TNRC6A: variants seen among roughly 807,000 people sequenced by gnomAD.
The protein encoded by TNRC6A is trinucleotide repeat-containing gene 6A protein.
In TNRC6A, 44 loss-of-function variants were observed where a neutral mutation model predicts 221.2. That is an observed-to-expected ratio of 0.20 (90% CI 0.16 to 0.26). The LOEUF is 0.26. Ranked by LOEUF, TNRC6A falls within the 10% of genes least tolerant of loss-of-function variation. The probability of loss-of-function intolerance (pLI) is 1.00; values close to 1 mark genes in which losing one functional copy is unlikely to be tolerated. For missense variants in TNRC6A, 2,199 were observed against 2,404.4 expected (o/e 0.91, Z 1.79); for synonymous variants, 847 against 838.5 (o/e 1.01, Z -0.18).
At chr16:24,808,938 A>AG (rs1418966463) in intron 17 of TNRC6A, among the ~76,000 whole-genome samples, 2 of 152,174 alleles carry the variant, frequency 1.3e-5, no homozygotes, top group African/African-American at 2.4e-5. Context: ...TCATCAGCAA[A>AG]GGTCAAGTAA....
intron 4 of TNRC6A, among the ~76,000 whole-genome samples, chr16:24,764,145 CTGTTT>C (rs2057421402): frequency 7.0e-6 from 1 of 142,522 alleles, no homozygotes; most frequent in African/African-American, 2.4e-5. Flanking sequence ...ATGTATTTGA[CTGTTT>C]TTTTTTTTTA....
At chr16:24,699,902 C>T (rs895549136) in intron 2 of TNRC6A, among the ~76,000 whole-genome samples, 1 of 152,082 alleles carries the variant, frequency 6.6e-6, no homozygotes, top group African/African-American at 2.4e-5. Flanking sequence ...CTAAGAAGCT[C>T]AGCAATGTGC....
intron 3 of TNRC6A, among the ~76,000 whole-genome samples, chr16:24,751,304 A>G (rs1228448590): frequency 6.8e-6 from 1 of 146,870 alleles, no homozygotes; most frequent in Non-Finnish European, 1.6e-5. Context: ...TGTAATAGAC[A>G]TAATAGGAAG....
At chr16:24,815,088 A>G (rs776412161) in intron 18 of TNRC6A, 59 bp from the exon 19 acceptor site, 25 of 1,575,280 alleles carry the variant, frequency 1.6e-5, no homozygotes, top group Admixed American at 3.5e-5. Flanking sequence ...TTGAAAAGCT[A>G]TAAGAAATAA....
At position 24,705,247 on chromosome 16, in the gene TNRC6A, C is replaced by A. The variant is rs532049093; in HGVS notation, n.403-45479C>A. ...CCCAGATCACACAGTTAATGCATGG[C>A]ACATCTAGAATTTCTAGAGTCTAGA... is the stretch of plus-strand genomic sequence containing the variant. On this transcript the variant is annotated intron_variant and non_coding_transcript_variant, in intron 2 of 2. Coordinates refer to the TNRC6A transcript ENST00000566108. 2.6e-5 allele frequency among the ~76,000 whole-genome samples: 4 copies of A among 152,216 alleles called. No individual in the cohort carries two copies. In the South Asian group the frequency reaches 8.3e-4, roughly 32 times the overall value.
intron 2 of TNRC6A, among the ~76,000 whole-genome samples, chr16:24,699,046 G>C (rs1043850019): frequency 1.3e-5 from 2 of 152,130 alleles, no homozygotes; most frequent in African/African-American, 4.8e-5. Context: ...AGAACCTACA[G>C]AGCGGGTATT....
intron 1 of TNRC6A, among the ~76,000 whole-genome samples, chr16:24,621,646 C>A (rs1900682043): frequency 6.6e-6 from 1 of 152,088 alleles, no homozygotes; most frequent in South Asian, 2.1e-4. Context: ...ATGTGAGCCA[C>A]CGTGCCTGGC....
intron 2 of TNRC6A, among the ~76,000 whole-genome samples, chr16:24,696,407 G>T (rs1451824762): frequency 4.0e-5 from 6 of 151,046 alleles, no homozygotes; most frequent in East Asian, 1.9e-4. Context: ...CATGCTAAAG[G>T]TGCTTGTTCA....
chr16:24,625,042 C>T (rs80263423), intron 1 of TNRC6A, among the ~76,000 whole-genome samples: 9,213 of 152,290 alleles, frequency 0.06, 333 homozygotes, highest in Non-Finnish European at 0.079. Context: ...GACCAGAAAT[C>T]ATAGACCTGC....
chr16:24,678,109 A>G (rs904501104), intron 2 of TNRC6A, among the ~76,000 whole-genome samples: 1 of 152,084 alleles, frequency 6.6e-6, no homozygotes, highest in Admixed American at 6.6e-5. Context: ...CAGGAGTTCA[A>G]GACCAGCCTG....
intron 4 of TNRC6A, among the ~76,000 whole-genome samples, chr16:24,760,981 C>T (rs2057351349): frequency 6.6e-6 from 1 of 152,168 alleles, no homozygotes; most frequent in African/African-American, 2.4e-5. Flanking sequence ...CTGGTTTCTG[C>T]AGTGTTTTTA....
intron 3 of TNRC6A, among the ~76,000 whole-genome samples, chr16:24,754,264 T>C (rs1357928458): frequency 6.6e-6 from 1 of 152,098 alleles, no homozygotes; most frequent in Non-Finnish European, 1.5e-5. Flanking sequence ...ACAACGATAT[T>C]TTCGTTTTGA....
intron 2 of TNRC6A, among the ~76,000 whole-genome samples, chr16:24,675,964 T>C (rs1460455078): frequency 6.6e-6 from 1 of 151,468 alleles, no homozygotes; most frequent in African/African-American, 2.4e-5. Flanking sequence ...TCCCAAGCAA[T>C]CCTGCTTATC....
rs1225720923 is a variant in TNRC6A, at chr16:24,625,741, A to AC, written n.277-15143_277-15142insC. On this transcript the variant is annotated intron_variant and non_coding_transcript_variant, in intron 1 of 2. Coordinates refer to the TNRC6A transcript ENST00000566108. ...GAGCGAGACTCCGTCTCAAAACAAA[A>AC]AAAAAAAAAAAAAAAAAAAAATTAG... Among the ~76,000 whole-genome samples the AC allele has an allele frequency of 6.6e-3, 446 of 67,326 alleles. 3 individuals are homozygous for AC. Among genetic ancestry groups the AC allele is most frequent in the African/African-American group, 0.033 (436 of 13,102 alleles). The allele number at this position is 67,326 out of a possible 152,430, so 44.2% of individuals were successfully genotyped here. A position where few individuals can be genotyped will look rare whatever the true frequency, so the allele number is the denominator to read the frequency against.
chr16:24,756,735 G>T (rs2151471384), intron 3 of TNRC6A, among the ~76,000 whole-genome samples: 1 of 152,256 alleles, frequency 6.6e-6, no homozygotes, highest in South Asian at 2.1e-4. Context: ...TCAAGCATCT[G>T]CCTGTCTTCT....
At chr16:24,675,604 C>A (rs915381118) in intron 2 of TNRC6A, among the ~76,000 whole-genome samples, 1 of 146,282 alleles carries the variant, frequency 6.8e-6, no homozygotes, top group Non-Finnish European at 1.5e-5. Context: ...TTGCTTGGAC[C>A]CAGGAGGCAG....
intron 2 of TNRC6A, among the ~76,000 whole-genome samples, chr16:24,647,455 A>G (rs1037139457): frequency 1.3e-5 from 2 of 152,300 alleles, no homozygotes; most frequent in Admixed American, 6.5e-5. Context: ...GATTTCAACT[A>G]ACTAATTTCA....
chr16:24,806,202 C>T lies in TNRC6A; in HGVS notation c.4252-4C>T. 6.2e-7 allele frequency: 1 copy of T among 1,613,914 alleles called. No homozygotes were observed. ...TAACAACCTTTTCGCTATCTTTCCT[C>T]TAGCGATTGTTAGCGCAGCAGCAAA... is the stretch of plus-strand genomic sequence containing the variant. On this transcript the variant is annotated splice_region_variant and splice_polypyrimidine_tract_variant and intron_variant, in intron 15 of 24. Transcript: ENST00000395799.
At chr16:24,792,209 C>G (rs2058117525) in intron 6 of TNRC6A, among the ~76,000 whole-genome samples, 1 of 151,956 alleles carries the variant, frequency 6.6e-6, no homozygotes, top group East Asian at 1.9e-4. Context: ...GTATATTTGG[C>G]TTTAGAAGGG....
Sources: allele counts gnomAD v4.1 joint callset (sites outside exome capture counted in the v4.1 genomes callset), GRCh38; gene constraint gnomAD v4.1.1; transcripts MANE v1.5; gene names NCBI Gene and HGNC (gene_info 2026-07-23, HGNC 2026-07-21).